TIMM23B: variants seen among roughly 807,000 people sequenced by gnomAD.
TIMM23B encodes the protein translocase of inner mitochondrial membrane 23 homolog B.
Under a neutral mutation model 27.3 loss-of-function variants are expected in TIMM23B, and 27 were observed. The ratio of observed to expected loss-of-function variants is 0.99; its 90% CI spans 0.73 to 1.36. The LOEUF (loss-of-function observed/expected upper bound fraction) is 1.36, where lower values mean the gene tolerates loss of function less well. TIMM23B is among the 40% of genes most tolerant of loss of function. The probability of loss-of-function intolerance (pLI) is 0.00; values close to 1 mark genes in which losing one functional copy is unlikely to be tolerated. For missense variants in TIMM23B, 205 were observed against 244.2 expected (o/e 0.84, Z 1.07); for synonymous variants, 73 against 92.4 (o/e 0.79, Z 1.21).
At chr10:49,951,369 G>A (rs1315184693) in intron 2 of TIMM23B, among the ~76,000 whole-genome samples, 1 of 151,934 alleles carries the variant, frequency 6.6e-6, no homozygotes, top group African/African-American at 2.4e-5. Context: ...TCTTTGGATG[G>A]AAAGCGTGCC....
chr10:49,970,857 T>C (rs1243808225), intron 6 of TIMM23B, among the ~76,000 whole-genome samples: 1 of 152,208 alleles, frequency 6.6e-6, no homozygotes, highest in African/African-American at 2.4e-5. Context: ...GAATGGGCCA[T>C]GATGACGATG....
intron 5 of TIMM23B, among the ~76,000 whole-genome samples, 189 bp from the exon 6 acceptor site, chr10:49,958,181 C>T (rs1301845253): frequency 2.0e-5 from 3 of 152,126 alleles, no homozygotes; most frequent in African/African-American, 4.8e-5. Context: ...TCACCTTTGT[C>T]CCTCTGAAGC....
intron 6 of TIMM23B, among the ~76,000 whole-genome samples, chr10:49,968,037 C>T (rs1232920405): frequency 6.6e-6 from 1 of 152,158 alleles, no homozygotes; most frequent in African/African-American, 2.4e-5. Flanking sequence ...TAATTTGGCC[C>T]AACAAAACTC....
At chr10:49,959,482 A>G (rs1839827436) in intron 6 of TIMM23B, among the ~76,000 whole-genome samples, 1 of 152,194 alleles carries the variant, frequency 6.6e-6, no homozygotes, top group African/African-American at 2.4e-5. Context: ...CATACATCCA[A>G]GTAATGCCTA....
chr10:49,972,434 CT>C lies in TIMM23B; in HGVS notation c.515-575del, dbSNP rs535283485. Among the ~76,000 whole-genome samples, 485 of 150,966 alleles carry C rather than the reference CT, an allele frequency of 3.2e-3. 2 individuals carry two copies. Among genetic ancestry groups the C allele is most frequent in the African/African-American group, 0.011 (459 of 41,050 alleles). On this transcript the variant is annotated intron_variant, in intron 6 of 6. Transcript: ENST00000651259. ...GAAAGAACAGTTTTACAGATTCATT[CT>C]TTCCACACACAAGATTTCCCCACTG...
Position 49,955,061 on chromosome 10 carries a change from G to A in TIMM23B, c.403+1G>A, listed in dbSNP as rs1325803406. ...TGGGCTAATACTCTAGGTTCTCTGG[G>A]TAAGTAGAGATCTCGTTTGATAATA... On this transcript the variant is annotated splice_donor_variant, in intron 5 of 6. Transcript: ENST00000651259. LOFTEE classifies it high-confidence loss of function. 7.1e-5 allele frequency: 114 copies of A among 1,612,214 alleles called. No individual in the cohort carries two copies. The African/African-American group carries it at 1.4e-3, about 20-fold the overall frequency.
chr10:49,963,834 G>A (rs1554854966), intron 6 of TIMM23B, among the ~76,000 whole-genome samples: 5 of 152,062 alleles, frequency 3.3e-5, no homozygotes, highest in East Asian at 1.9e-4. Flanking sequence ...GCATGATAGC[G>A]GGTGCCTGTA....
chr10:49,946,817 A>C (rs1188511455), intron 2 of TIMM23B, among the ~76,000 whole-genome samples: 2 of 149,452 alleles, frequency 1.3e-5, no homozygotes, highest in Non-Finnish European at 3.0e-5. Flanking sequence ...CTTTTATCCT[A>C]AAATTCATAT....
At chr10:49,966,474 G>A (rs1840166413) in intron 6 of TIMM23B, among the ~76,000 whole-genome samples, 1 of 152,186 alleles carries the variant, frequency 6.6e-6, no homozygotes, top group South Asian at 2.1e-4. Flanking sequence ...AATGTCAGGT[G>A]CAGTGGCGTA....
intron 6 of TIMM23B, among the ~76,000 whole-genome samples, chr10:49,969,084 G>A (rs1840298948): frequency 6.7e-6 from 1 of 149,160 alleles, no homozygotes; most frequent in African/African-American, 2.6e-5. Flanking sequence ...AGCCATTTTG[G>A]TCAGTTCTTA....
At chr10:49,943,347 C>T (rs1839225744) in intron 1 of TIMM23B, 1 of 152,152 alleles carries the variant, frequency 6.6e-6, no homozygotes, top group African/African-American at 2.4e-5. Context: ...TCCTAAGTAG[C>T]TGGGAATCTA....
intron 6 of TIMM23B, among the ~76,000 whole-genome samples, chr10:49,968,409 GTGGA>G (rs1204391355): frequency 6.6e-6 from 1 of 152,234 alleles, no homozygotes; most frequent in Non-Finnish European, 1.5e-5. Context: ...GATATTTGTG[GTGGA>G]TGAATTACTG....
chr10:49,950,567 G>T (rs1343166974), intron 2 of TIMM23B, among the ~76,000 whole-genome samples: 2 of 144,676 alleles, frequency 1.4e-5, no homozygotes, highest in Admixed American at 7.0e-5. Context: ...TTTGGAGATG[G>T]AGTCTCGCTC....
chr10:49,970,814 C>G (rs1284198642), intron 6 of TIMM23B, among the ~76,000 whole-genome samples: 3 of 152,214 alleles, frequency 2.0e-5, no homozygotes, highest in African/African-American at 7.2e-5. Context: ...CGGCCGCCAC[C>G]CCATCTGGGA....
At chr10:49,951,966 G>T (rs1220351765) in intron 2 of TIMM23B, among the ~76,000 whole-genome samples, 160 bp from the exon 3 acceptor site, 1 of 152,276 alleles carries the variant, frequency 6.6e-6, no homozygotes, top group Non-Finnish European at 1.5e-5. Context: ...TTTGATTTAG[G>T]TGTTACTGCT....
rs1839549882 is a variant in TIMM23B at position 49,952,026 on chromosome 10, T to A, written c.166-100T>A. ...GTATAGGTTTGAGTTAATTTAAGGT[T>A]TATTTTCTGTGAAAAACTACTTGAA... On this transcript the variant is annotated intron_variant, in intron 2 of 6. Transcript: ENST00000651259. The A allele has an allele frequency of 1.3e-5, 11 of 877,510 alleles. No homozygotes were observed. The East Asian group carries it at 2.8e-4, about 22-fold the overall frequency. The allele number at this position is 877,510 out of a possible 1,614,324, so 54.4% of individuals were successfully genotyped here.
intron 6 of TIMM23B, among the ~76,000 whole-genome samples, chr10:49,959,226 C>T (rs1839819942): frequency 6.6e-6 from 1 of 151,816 alleles, no homozygotes; most frequent in Non-Finnish European, 1.5e-5. Context: ...TTTTTTTAAT[C>T]TTGGACAGAC....
chr10:49,942,326 T>C, intron 1 of TIMM23B, 26 bp downstream of exon 1: 6 of 1,594,720 alleles, frequency 3.8e-6, no homozygotes, highest in Non-Finnish European at 5.1e-6. Context: ...AGCTTGCGAT[T>C]ATTTCTGACT....
At position 49,973,421 on chromosome 10, in the gene TIMM23B, A is replaced by G. The variant is rs1840536299; in HGVS notation, c.*357A>G. On this transcript the variant is annotated 3_prime_UTR_variant, in exon 7 of 7. Transcript: ENST00000651259. ...CTGGGCACAATGGTTCACACCTGTA[A>G]TCTCAGCACGTTTGGAGGGCAAGGC... 4.2e-6 allele frequency: 1 copy of G among 238,026 alleles called. No homozygotes were observed. Among genetic ancestry groups the G allele is most frequent in the Admixed American group, 5.3e-5 (1 of 18,984 alleles). The allele number at this position is 238,026 out of a possible 1,614,324, so 14.7% of individuals were successfully genotyped here. A position where few individuals can be genotyped will look rare whatever the true frequency, so the allele number is the denominator to read the frequency against.
Sources: allele counts gnomAD v4.1 joint callset (sites outside exome capture counted in the v4.1 genomes callset), GRCh38; gene constraint gnomAD v4.1.1; transcripts MANE v1.5; gene names NCBI Gene and HGNC (gene_info 2026-07-23, HGNC 2026-07-21).